Variants in KIF13A observed in about 807,000 individuals in gnomAD.
The protein encoded by KIF13A is kinesin family member 13A.
In KIF13A, 79 loss-of-function variants were observed where a neutral mutation model predicts 212.2. That is an observed-to-expected ratio of 0.37 (90% CI 0.31 to 0.45). The LOEUF is 0.45. Among genes scored for constraint, KIF13A ranks in the 20% least tolerant of loss-of-function variants. The pLI is 1.00. For missense variants in KIF13A, 1,901 were observed against 2,209.0 expected, an observed-to-expected ratio of 0.86 and a Z score of 2.79; for synonymous variants, 789 against 808.6, an observed-to-expected ratio of 0.98 and a Z score of 0.41.
At position 17,764,134 on chromosome 6, in the gene KIF13A, G is replaced by A. The variant is rs2150281017; in HGVS notation, c.5394C>T (p.Ala1798=). ...ENDQVIIPEA[A]FWVLCCQ Reference sequence around the variant, plus strand: ...CTCATTGACAGCACAGAACCCAAAAGGCTGCCTCTGGAATTATTACCTGGT... The same window carrying A: ...CTCATTGACAGCACAGAACCCAAAAAGCTGCCTCTGGAATTATTACCTGGT... Residue 1798 remains alanine (A), a synonymous_variant, in exon 39 of 39, where the codon GCC becomes GCT. Transcript: ENST00000259711. This position sits in a 1 kb window ranked among gnomAD's most constrained non-coding sequence, Gnocchi z 5.1. 6.2e-7 allele frequency: 1 copy of A among 1,613,984 alleles called. No individual in the cohort carries two copies. Among genetic ancestry groups the A allele is most frequent in the East Asian group, 2.2e-5 (1 of 44,886 alleles).
chr6:17,882,478 T>C (rs755697508), intron 3 of KIF13A, among the ~76,000 whole-genome samples: 1 of 152,204 alleles, frequency 6.6e-6, no homozygotes, highest in Non-Finnish European at 1.5e-5. Context: ...TCTGGACATA[T>C]ACATCAGATT....
At chr6:17,792,676 A>G (rs569592433) in intron 25 of KIF13A, among the ~76,000 whole-genome samples, 1 of 152,248 alleles carries the variant, frequency 6.6e-6, no homozygotes, top group East Asian at 1.9e-4. Flanking sequence ...CTGTCCTTGC[A>G]CCTACACTCA....
At chr6:17,893,948 T>C (rs1344618824) in intron 3 of KIF13A, among the ~76,000 whole-genome samples, 2 of 145,794 alleles carry the variant, frequency 1.4e-5, no homozygotes, top group Non-Finnish European at 3.0e-5. Flanking sequence ...CAAGTGATTC[T>C]CCTGTCTCAG....
At chr6:17,962,700 A>G (rs1350097898) in intron 2 of KIF13A, among the ~76,000 whole-genome samples, 2 of 152,162 alleles carry the variant, frequency 1.3e-5, no homozygotes, top group Non-Finnish European at 2.9e-5. Context: ...TACTTCTGTT[A>G]TATCTACTCT....
chr6:17,976,181 C>A (rs1402658037), intron 2 of KIF13A, among the ~76,000 whole-genome samples: 1 of 152,250 alleles, frequency 6.6e-6, no homozygotes, highest in Non-Finnish European at 1.5e-5. Context: ...GCCACTCTCA[C>A]GCCGGCACTC....
At chr6:17,946,052 T>C (rs1777366601) in intron 2 of KIF13A, among the ~76,000 whole-genome samples, 1 of 152,198 alleles carries the variant, frequency 6.6e-6, no homozygotes, top group African/African-American at 2.4e-5. Context: ...CTTAAGACTT[T>C]TAGAAGGTAT....
At chr6:17,938,047 C>G (rs1776632944) in intron 2 of KIF13A, among the ~76,000 whole-genome samples, 1 of 128,480 alleles carries the variant, frequency 7.8e-6, no homozygotes, top group Admixed American at 7.8e-5. Flanking sequence ...CGTGCCCCGC[C>G]CTAATTACAT....
At chr6:17,807,825 C>T (rs1382156624) in intron 18 of KIF13A, among the ~76,000 whole-genome samples, 3 of 152,204 alleles carry the variant, frequency 2.0e-5, no homozygotes, top group South Asian at 2.1e-4. Flanking sequence ...TAAAATTCCT[C>T]TCTTTGTACT....
intron 2 of KIF13A, among the ~76,000 whole-genome samples, chr6:17,977,698 G>A (rs970674490): frequency 6.6e-6 from 1 of 152,168 alleles, no homozygotes; most frequent in Non-Finnish European, 1.5e-5. Context: ...GTTTTTATTT[G>A]TTTTTAATTT....
intron 17 of KIF13A, among the ~76,000 whole-genome samples, chr6:17,814,289 C>T (rs1385563671): frequency 2.2e-5 from 3 of 136,324 alleles, no homozygotes; most frequent in African/African-American, 8.1e-5. Context: ...TGCTCTGTCA[C>T]CCAGGCTAGA....
In KIF13A at chr6:17,815,132, C is replaced by G. The variant is rs61630603; in HGVS notation, c.2000+1888G>C. On this transcript the variant is annotated intron_variant, in intron 17 of 38. Transcript: ENST00000259711. ...TCCCTTCCCTGTTTGGCAGCCAAGG[C>G]GGAGACAGAGAGAGGACAGCTTACA... Among the ~76,000 whole-genome samples, 1,027 of 152,284 alleles carry G rather than the reference C, an allele frequency of 6.7e-3. 9 individuals are homozygous for G. The highest frequency in any genetic ancestry group is 0.023 in the African/African-American group (971 of 41,562).
At chr6:17,802,028 C>T (rs1379667085) in intron 20 of KIF13A, among the ~76,000 whole-genome samples, 1 of 152,090 alleles carries the variant, frequency 6.6e-6, no homozygotes. Flanking sequence ...TATTTCATAA[C>T]ATAGTTTCAG....
intron 38 of KIF13A, among the ~76,000 whole-genome samples, chr6:17,765,731 C>G (rs1758885052): frequency 6.6e-6 from 1 of 152,180 alleles, no homozygotes; most frequent in Non-Finnish European, 1.5e-5. Context: ...CCCAGTCTCT[C>G]TCCAAATGAA....
rs1046518004 is a variant in KIF13A at position 17,872,603 on chromosome 6, T to C, written c.220+774A>G. On this transcript the variant is annotated intron_variant, in intron 4 of 38. Coordinates refer to ENST00000259711, the MANE Select transcript of KIF13A (RefSeq NM_022113.6). The surrounding 1 kb of genome is among the most constrained non-coding windows in gnomAD (Gnocchi z 4.7). ...ATATTTCAAAACATCACACTGTACA[T>C]GATAAATATATGCAACTTTCATTTG... Among the ~76,000 whole-genome samples, 11 of 152,210 alleles carry C rather than the reference T, an allele frequency of 7.2e-5. No individual in the cohort carries two copies. Among genetic ancestry groups the C allele is most frequent in the African/African-American group, 2.4e-4 (10 of 41,456 alleles).
chr6:17,960,392 A>G (rs918373640), intron 2 of KIF13A, among the ~76,000 whole-genome samples: 2 of 152,236 alleles, frequency 1.3e-5, no homozygotes, highest in African/African-American at 4.8e-5. Flanking sequence ...ATAACTAAAA[A>G]TAACACTGCT....
intron 25 of KIF13A, among the ~76,000 whole-genome samples, chr6:17,792,276 A>G (rs1171496890): frequency 6.6e-6 from 1 of 151,302 alleles, no homozygotes; most frequent in African/African-American, 2.4e-5. Flanking sequence ...TTAGTTGATG[A>G]CCCATATACT....
Position 17,799,416 on chromosome 6 carries a change from C to A in KIF13A, c.2640G>T (p.Gly880=). The A allele has an allele frequency of 1.3e-6, 2 of 1,573,524 alleles. No individual in the cohort carries two copies. Among genetic ancestry groups the A allele is most frequent in the African/African-American group, 2.7e-5 (2 of 73,930 alleles). The change falls in exon 22 of 39, where the codon GGG becomes GGT. Residue 880 remains glycine (G), a synonymous_variant. Coordinates refer to ENST00000259711, the MANE Select transcript of KIF13A (RefSeq NM_022113.6). This position sits in a 1 kb window ranked among gnomAD's most constrained non-coding sequence, Gnocchi z 4.4. ...TCRVKIKEAT[G]LPLNLSNFVF... is the part of the protein sequence containing the mutation. ...CAAAATTTGAGAGGTTTAAGGGCAGCCCCGTTGCTTCTTTAATTTTTACCT... is the reference window on the plus strand; with the variant it reads ...CAAAATTTGAGAGGTTTAAGGGCAGACCCGTTGCTTCTTTAATTTTTACCT...
At chr6:17,907,657 A>T (rs1773640491) in intron 2 of KIF13A, among the ~76,000 whole-genome samples, 1 of 152,164 alleles carries the variant, frequency 6.6e-6, no homozygotes, top group Non-Finnish European at 1.5e-5. Flanking sequence ...GAAGAGGGGT[A>T]TAAATAAAGC....
chr6:17,983,877 A>G (rs1781323215), intron 2 of KIF13A, among the ~76,000 whole-genome samples: 1 of 152,080 alleles, frequency 6.6e-6, no homozygotes, highest in South Asian at 2.1e-4. Flanking sequence ...GTATGCTTTC[A>G]CTTTCATTGG....
Sources: gnomAD v4.1 joint callset for allele counts (sites outside exome capture counted in the v4.1 genomes callset) on GRCh38, gnomAD v4.1.1 for gene constraint, Gnocchi (gnomAD v3.1) non-coding constraint, MANE v1.5 for transcripts, NCBI Gene and HGNC (gene_info 2026-07-23, HGNC 2026-07-21) for gene names.